The following NFASC variants were observed in gnomAD, a reference collection of about 807,000 sequenced individuals.
NFASC encodes the protein neurofascin, also known as neurofascin homolog.
A neutral mutation model predicts 147.5 loss-of-function variants in NFASC; 43 were observed. The ratio of observed to expected loss-of-function variants is 0.29; its 90% CI spans 0.23 to 0.38. The LOEUF (loss-of-function observed/expected upper bound fraction) is 0.38, where lower values mean the gene tolerates loss of function less well. NFASC is among the 10% of genes least tolerant of loss of function. The pLI is 1.00. For missense variants in NFASC, 1,320 were observed against 1,689.0 expected, an observed-to-expected ratio of 0.78 and a Z score of 3.83; for synonymous variants, 622 against 665.5, an observed-to-expected ratio of 0.93 and a Z score of 1.01.
rs767979337 is a variant in NFASC, at chr1:204,973,435, G to A, written c.1279+16G>A. Reference sequence around the variant, plus strand: ...AGTGTGCTGGGTGAGTGTGCCCTTCGCAGCCTGTTTCCCCCTCCTCTCCAC... The same window carrying A: ...AGTGTGCTGGGTGAGTGTGCCCTTCACAGCCTGTTTCCCCCTCCTCTCCAC... On this transcript the variant is annotated intron_variant, in intron 12 of 29. Coordinates refer to ENST00000339876, the MANE Select transcript of NFASC (RefSeq NM_001005388.3). 3.0e-5 allele frequency: 49 copies of A among 1,613,644 alleles called. No individual in the cohort carries two copies. Among genetic ancestry groups the A allele is most frequent in the African/African-American group, 1.1e-4 (8 of 74,902 alleles).
intron 1 of NFASC, among the ~76,000 whole-genome samples, chr1:204,835,213 CTTTTTTTTTT>C (rs1001302661): frequency 1.6e-4 from 13 of 80,588 alleles, no homozygotes; most frequent in African/African-American, 5.8e-4. Flanking sequence ...TGAGGTGGGT[CTTTTTTTTTT>C]TTTTTTTTTT....
At chr1:204,838,607 C>T (rs1388728598) in intron 1 of NFASC, among the ~76,000 whole-genome samples, 1 of 152,086 alleles carries the variant, frequency 6.6e-6, no homozygotes, top group Non-Finnish European at 1.5e-5. Flanking sequence ...AACGGGAAAG[C>T]GATGTAGTGT....
At position 204,976,802 on chromosome 1, in the gene NFASC, GCCCATGCTCAC is replaced by G. The variant is rs748587272; in HGVS notation, c.1831+10_1831+20del. ...GCCTACCTCACCGTGCTAGGTAACT[GCCCATGCTCAC>G]CCTGGCACTGACCAGCCCCACCCCC... On this transcript the variant is annotated splice_region_variant and intron_variant, in intron 16 of 29. Transcript: ENST00000339876. The G allele has an allele frequency of 2.5e-6, 4 of 1,612,234 alleles. No homozygotes were observed. The African/African-American group carries it at 5.3e-5, about 22-fold the overall frequency.
chr1:204,837,401 G>A (rs767569013), intron 1 of NFASC, among the ~76,000 whole-genome samples: 18 of 152,224 alleles, frequency 1.2e-4, no homozygotes, highest in Non-Finnish European at 2.5e-4. Context: ...AATTGGCCAG[G>A]CTGCAGCAGT....
intron 13 of NFASC, 99 bp from the exon 14 acceptor site, chr1:204,974,558 C>T (rs950326770): frequency 7.4e-7 from 1 of 1,359,222 alleles, no homozygotes; most frequent in African/African-American, 1.4e-5. Flanking sequence ...GCATGGGGCT[C>T]CTTCCACAGC....
intron 1 of NFASC, among the ~76,000 whole-genome samples, chr1:204,841,550 G>A (rs1324329093): frequency 6.6e-6 from 1 of 152,118 alleles, no homozygotes; most frequent in Admixed American, 6.5e-5. Context: ...TGCTCTTGAG[G>A]CCCTGAGGCT....
chr1:204,973,508 C>G, intron 12 of NFASC, 89 bp downstream of exon 12: 4 of 1,499,060 alleles, frequency 2.7e-6, no homozygotes, highest in African/African-American at 1.4e-5. Flanking sequence ...GGCACACTTT[C>G]TTCTCCGGGG....
At chr1:204,976,381 C>G (rs1436805199) in intron 15 of NFASC, among the ~76,000 whole-genome samples, 1 of 152,192 alleles carries the variant, frequency 6.6e-6, no homozygotes, top group African/African-American at 2.4e-5. Context: ...GGGTGCACAG[C>G]ACAGTAAAGG....
intron 1 of NFASC, among the ~76,000 whole-genome samples, chr1:204,905,271 C>A (rs557729075): frequency 5.9e-5 from 9 of 152,222 alleles, no homozygotes; most frequent in Non-Finnish European, 8.8e-5. Flanking sequence ...GTTTGAGAAA[C>A]TGACCTGCTG....
rs1558549298 is a variant in NFASC at position 204,877,034 on chromosome 1, TATTTATATATATATAATATATTTATTTA to T, written c.-199-43597_-199-43570del. Among the ~76,000 whole-genome samples, 517 of 96,652 alleles carry T rather than the reference TATTTATATATATATAATATATTTATTTA, an allele frequency of 5.3e-3. 18 individuals carry two copies. The highest frequency in any genetic ancestry group is 0.014 in the East Asian group (16 of 1,184). 63.4% of individuals were successfully genotyped at this position (96,652 alleles called of 152,430 possible). On this transcript the variant is annotated intron_variant, in intron 1 of 29. Coordinates refer to ENST00000339876, the MANE Select transcript of NFASC (RefSeq NM_001005388.3). ...TATATATATATATATATATAATATA[TATTTATATATATATAATATATTTATTTA>T]TATATTTATATATATATAATATATT...
chr1:204,985,858 C>T, intron 21 of NFASC: 2 of 1,276,806 alleles, frequency 1.6e-6, no homozygotes, highest in Non-Finnish European at 2.2e-6. Context: ...CCACTAACAA[C>T]TAACCCAGCC....
intron 24 of NFASC, among the ~76,000 whole-genome samples, chr1:204,995,368 G>A (rs1001354031): frequency 2.0e-5 from 3 of 151,690 alleles, no homozygotes; most frequent in Non-Finnish European, 4.4e-5. Context: ...GTGTCGGTGG[G>A]TGGGGATAAG....
chr1:204,970,571 C>T (rs756529118), intron 10 of NFASC, 45 bp from the exon 11 acceptor site: 2 of 1,611,078 alleles, frequency 1.2e-6, no homozygotes, highest in African/African-American at 2.7e-5. Flanking sequence ...TTCTGCCTGT[C>T]CCATGCCATC....
intron 1 of NFASC, among the ~76,000 whole-genome samples, chr1:204,874,832 T>A (rs1021089556): frequency 3.3e-5 from 5 of 152,176 alleles, no homozygotes; most frequent in African/African-American, 9.7e-5. Context: ...ACTTTCCACT[T>A]TGCTGTAGAC....
chr1:204,907,060 T>A (rs2086162222), intron 1 of NFASC, among the ~76,000 whole-genome samples: 1 of 152,210 alleles, frequency 6.6e-6, no homozygotes, highest in Non-Finnish European at 1.5e-5. Context: ...AAAGTGGATG[T>A]ACCATTTTTT....
Position 204,951,997 on chromosome 1 carries a change from G to A in NFASC, c.110-14G>A. On this transcript the variant is annotated splice_polypyrimidine_tract_variant and intron_variant, in intron 4 of 29. Transcript: ENST00000339876. ...CCCTGCAGCCCTGACCATGCTCCCT[G>A]TGCACTGTTGCAGTGACGCAGCCGC... 1 of 1,612,018 alleles carries A rather than the reference G, an allele frequency of 6.2e-7. No homozygotes were observed.
Position 204,987,635 on chromosome 1 carries a change from G to C in NFASC, c.2593+95G>C. Reference sequence around the variant, plus strand: ...AAGGACTCAAGGTAGAAAGCCTGTGGGTGCAGATGGCATTGTGGAGGGATG... The same window carrying C: ...AAGGACTCAAGGTAGAAAGCCTGTGCGTGCAGATGGCATTGTGGAGGGATG... On this transcript the variant is annotated intron_variant, in intron 22 of 29. Transcript: ENST00000339876. This position sits in a 1 kb window ranked among gnomAD's most constrained non-coding sequence, Gnocchi z 4.4. 1.4e-6 allele frequency: 2 copies of C among 1,448,504 alleles called. No homozygotes were observed. The highest frequency in any genetic ancestry group is 1.9e-6 in the Non-Finnish European group (2 of 1,045,364). 89.7% of individuals were successfully genotyped at this position (1,448,504 alleles called of 1,614,324 possible). A position where few individuals can be genotyped will look rare whatever the true frequency, so the allele number is the denominator to read the frequency against.
At chr1:204,906,737 C>T (rs1254906533) in intron 1 of NFASC, among the ~76,000 whole-genome samples, 2 of 150,372 alleles carry the variant, frequency 1.3e-5, no homozygotes, top group Admixed American at 6.6e-5. Flanking sequence ...GGCTGGAGTG[C>T]AGTGGCGCGA....
chr1:204,847,387 C>T (rs896027676), intron 1 of NFASC, among the ~76,000 whole-genome samples: 1 of 152,182 alleles, frequency 6.6e-6, no homozygotes, highest in African/African-American at 2.4e-5. Flanking sequence ...GGCTACCTTC[C>T]CATCTGGTAG....
Sources: allele counts gnomAD v4.1 joint callset (sites outside exome capture counted in the v4.1 genomes callset), GRCh38; gene constraint gnomAD v4.1.1; non-coding constraint Gnocchi (gnomAD v3.1); transcripts MANE v1.5; gene names NCBI Gene and HGNC (gene_info 2026-07-23, HGNC 2026-07-21).